NPAS2: variants seen among roughly 807,000 people sequenced by gnomAD.
NPAS2 encodes neuronal PAS domain protein 2.
NPAS2 carries 23 observed loss-of-function variants against 107.5 expected under a neutral mutation model. That is an observed-to-expected ratio of 0.21 (90% CI 0.15 to 0.30). NPAS2 has a LOEUF of 0.30. Among genes scored for constraint, NPAS2 ranks in the 10% least tolerant of loss-of-function variants. The pLI is 1.00. For missense variants in NPAS2, 756 were observed against 1,043.3 expected (o/e 0.72, Z 3.79); for synonymous variants, 403 against 417.5 (o/e 0.97, Z 0.42).
At chr2:100,843,050 C>T (rs919437117) in intron 1 of NPAS2, among the ~76,000 whole-genome samples, 1 of 152,040 alleles carries the variant, frequency 6.6e-6, no homozygotes, top group African/African-American at 2.4e-5. Flanking sequence ...GAAACCCCAT[C>T]TCTATTAAAA....
chr2:100,983,056 C>T (rs3754680), intron 16 of NPAS2: 127,868 of 152,316 alleles, frequency 0.84, 54,001 homozygotes, highest in African/African-American at 0.93. Context: ...GTTTTACTTA[C>T]ATTAGTCCAG....
chr2:100,972,658 C>T (rs1004899344), intron 12 of NPAS2: 35 of 152,238 alleles, frequency 2.3e-4, no homozygotes, highest in African/African-American at 8.4e-4. Context: ...TAGGACGCAG[C>T]TGACATTGTT....
chr2:100,964,249 G>T, intron 8 of NPAS2, 73 bp downstream of exon 8: 1 of 1,008,838 alleles, frequency 9.9e-7, no homozygotes, highest in East Asian at 2.4e-5. Flanking sequence ...TGTAATTAAT[G>T]GTCTTTTGGG....
At chr2:100,842,077 A>ACGCGCGCGCGTG (rs1553441809) in intron 1 of NPAS2, among the ~76,000 whole-genome samples, 6 of 92,366 alleles carry the variant, frequency 6.5e-5, no homozygotes, top group Admixed American at 1.9e-4. Flanking sequence ...GTGTGCATGT[A>ACGCGCGCGCGTG]CGCGCACACA....
At chr2:100,862,498 T>C (rs886082632) in intron 1 of NPAS2, among the ~76,000 whole-genome samples, 2 of 152,184 alleles carry the variant, frequency 1.3e-5, no homozygotes, top group Non-Finnish European at 2.9e-5. Context: ...GTATTAACCA[T>C]AGCTTGGCAG....
intron 12 of NPAS2, among the ~76,000 whole-genome samples, chr2:100,973,676 G>A (rs894921130): frequency 2.6e-5 from 4 of 152,176 alleles, no homozygotes; most frequent in African/African-American, 7.2e-5. Context: ...GCAGACGCAC[G>A]CATGGGATTT....
At chr2:100,916,334 C>T (rs1243317626) in intron 2 of NPAS2, among the ~76,000 whole-genome samples, 1 of 151,602 alleles carries the variant, frequency 6.6e-6, no homozygotes, top group Non-Finnish European at 1.5e-5. Flanking sequence ...ACCTAAATAC[C>T]TAAATATATG....
At chr2:100,921,531 CCCTTGGTCTCT>C (rs1683227137) in intron 2 of NPAS2, among the ~76,000 whole-genome samples, 2 of 152,134 alleles carry the variant, frequency 1.3e-5, no homozygotes, top group Non-Finnish European at 2.9e-5. Flanking sequence ...CTTCCTCCCT[CCCTTGGTCTCT>C]CTCTTACTCT....
rs988428204 is a variant in NPAS2, at chr2:100,987,857, G to A, written c.1630-222G>A. On this transcript the variant is annotated intron_variant, in intron 16 of 20. Transcript: ENST00000335681. ...TCAGTCACTTGCCTGTAACCTTCAT[G>A]AAGGCAGAGAGAGTGTCTCTCCAGC... 6.7e-6 allele frequency: 4 copies of A among 594,164 alleles called. No individual in the cohort carries two copies. The Admixed American group carries it at 1.2e-4, about 18-fold the overall frequency. The allele number at this position is 594,164 out of a possible 1,614,324, so 36.8% of individuals were successfully genotyped here.
Position 100,993,384 on chromosome 2 carries a change from G to A in NPAS2, c.2149G>A (p.Ala717Thr), listed in dbSNP as rs1321439599. The change falls in exon 20 of 21, where the codon GCA becomes ACA. Residue 717 changes from alanine to threonine, a missense_variant. Ala to Thr is a moderately conservative substitution (Grantham distance 58). Coordinates refer to ENST00000335681, the MANE Select transcript of NPAS2 (RefSeq NM_002518.4). The stretch of plus-strand genomic sequence containing the variant: ...CCAGACCGTGTTTCAAAATCCAGAC[G>A]CACACCCCGCCAACAGCAGCAGCGC... ...QSQTVFQNPD[A>T]HPANSSSAPM... 1.1e-5 allele frequency: 18 copies of A among 1,606,710 alleles called. No homozygotes were observed. The highest frequency in any genetic ancestry group is 2.2e-5 in the East Asian group (1 of 44,592).
chr2:100,857,230 G>A (rs563795150), intron 1 of NPAS2, among the ~76,000 whole-genome samples: 30 of 151,590 alleles, frequency 2.0e-4, no homozygotes, highest in South Asian at 6.3e-4. Context: ...TCCAGGAGGC[G>A]GAGGTTGCAG....
At chr2:100,888,816 CAT>C (rs535532694) in intron 1 of NPAS2, among the ~76,000 whole-genome samples, 183 of 152,284 alleles carry the variant, frequency 1.2e-3, no homozygotes, top group African/African-American at 4.3e-3. Context: ...CTCAGGCGGA[CAT>C]GTCTTGGACT....
In NPAS2 at chr2:100,968,521, G is replaced by A. The variant is rs1676364056; in HGVS notation, c.1055+93G>A. ...GGCCCCTGATGGCCAAGTCAGATCA[G>A]CAGTCACTCAGGTGTTCCCCATTTC... On this transcript the variant is annotated intron_variant, in intron 11 of 20. Coordinates refer to ENST00000335681, the MANE Select transcript of NPAS2 (RefSeq NM_002518.4). The surrounding 1 kb of genome is among the most constrained non-coding windows in gnomAD (Gnocchi z 5.3). 8.1e-7 allele frequency: 1 copy of A among 1,237,628 alleles called. No homozygotes were observed. Among genetic ancestry groups the A allele is most frequent in the Non-Finnish European group, 1.1e-6 (1 of 874,668 alleles). The allele number at this position is 1,237,628 out of a possible 1,614,324, so 76.7% of individuals were successfully genotyped here. A position where few individuals can be genotyped will look rare whatever the true frequency, so the allele number is the denominator to read the frequency against.
At chr2:100,866,272 G>A (rs1244019863) in intron 1 of NPAS2, among the ~76,000 whole-genome samples, 2 of 152,204 alleles carry the variant, frequency 1.3e-5, no homozygotes, top group Admixed American at 1.3e-4. Context: ...AGTTTGTCAA[G>A]AGCAGGCGAC....
At chr2:100,919,717 C>CT (rs1185866221) in intron 2 of NPAS2, among the ~76,000 whole-genome samples, 1 of 152,212 alleles carries the variant, frequency 6.6e-6, no homozygotes, top group Non-Finnish European at 1.5e-5. Flanking sequence ...CCACCCTATC[C>CT]TTTCCTTCTC....
chr2:100,879,781 G>A (rs1680217466), intron 1 of NPAS2, among the ~76,000 whole-genome samples: 1 of 152,134 alleles, frequency 6.6e-6, no homozygotes, highest in Non-Finnish European at 1.5e-5. Context: ...CACTTTTTTA[G>A]GTTAAAAAAC....
chr2:100,879,810 A>G (rs1680220314), intron 1 of NPAS2, among the ~76,000 whole-genome samples: 1 of 152,250 alleles, frequency 6.6e-6, no homozygotes, highest in African/African-American at 2.4e-5. Flanking sequence ...ACAAGGGACA[A>G]GATGTGTCCT....
At chr2:100,979,242 GA>G (rs1273210537) in intron 15 of NPAS2, among the ~76,000 whole-genome samples, 1 of 149,412 alleles carries the variant, frequency 6.7e-6, no homozygotes, top group Non-Finnish European at 1.5e-5. Flanking sequence ...TAGGCCAAAA[GA>G]AAAAAAAACC....
intron 1 of NPAS2, among the ~76,000 whole-genome samples, chr2:100,900,297 T>A (rs182979847): frequency 8.8e-4 from 134 of 152,296 alleles, no homozygotes; most frequent in African/African-American, 3.2e-3. Flanking sequence ...GAATTAGACA[T>A]CTTACAAAAG....
Sources: gnomAD v4.1 joint callset for allele counts (sites outside exome capture counted in the v4.1 genomes callset) on GRCh38, gnomAD v4.1.1 for gene constraint, Gnocchi (gnomAD v3.1) non-coding constraint, MANE v1.5 for transcripts, NCBI Gene and HGNC (gene_info 2026-07-23, HGNC 2026-07-21) for gene names.